Variants in IMMP2L observed in about 807,000 individuals in gnomAD.
IMMP2L encodes the protein mitochondrial inner membrane protease subunit 2.
In IMMP2L, 18 loss-of-function variants were observed where a neutral mutation model predicts 19.3. The ratio of observed to expected loss-of-function variants is 0.93; its 90% CI spans 0.64 to 1.38. IMMP2L has a LOEUF of 1.38. Ranked by LOEUF, IMMP2L falls within the 40% of genes most tolerant of loss-of-function variation. The pLI, the probability that IMMP2L is intolerant of heterozygous loss-of-function variation, is 0.00. For missense variants in IMMP2L, 233 were observed against 218.2 expected (o/e 1.07, Z -0.43); for synonymous variants, 76 against 73.0 (o/e 1.04, Z -0.21).
intron 3 of IMMP2L, among the ~76,000 whole-genome samples, chr7:111,402,901 C>G (rs1020825451): frequency 6.6e-6 from 1 of 151,018 alleles, no homozygotes; most frequent in African/African-American, 2.4e-5. Context: ...CTATTTACAT[C>G]TATTCTTTCT....
intron 3 of IMMP2L, among the ~76,000 whole-genome samples, chr7:111,071,287 G>A (rs1253184099): frequency 6.6e-6 from 1 of 152,058 alleles, no homozygotes; most frequent in African/African-American, 2.4e-5. Context: ...CATAGCTGGT[G>A]GGAATGTAAA....
intron 3 of IMMP2L, among the ~76,000 whole-genome samples, chr7:111,401,746 A>G (rs1331512157): frequency 6.6e-6 from 1 of 152,086 alleles, no homozygotes; most frequent in Non-Finnish European, 1.5e-5. Context: ...CGGACTGCAT[A>G]GCTACGTTCA....
chr7:110,946,903 G>T (rs1201533788), intron 4 of IMMP2L, among the ~76,000 whole-genome samples: 2 of 151,810 alleles, frequency 1.3e-5, no homozygotes, highest in Non-Finnish European at 2.9e-5. Flanking sequence ...TGTATTTTTA[G>T]TAGAGATGGA....
intron 3 of IMMP2L, among the ~76,000 whole-genome samples, chr7:111,397,907 CTTTGG>C (rs1320559643): frequency 1.3e-5 from 2 of 151,938 alleles, no homozygotes; most frequent in African/African-American, 4.8e-5. Context: ...TTATATGTCC[CTTTGG>C]TTTTATATCG....
chr7:111,115,969 A>G (rs1167522453), intron 3 of IMMP2L, among the ~76,000 whole-genome samples: 2 of 152,066 alleles, frequency 1.3e-5, no homozygotes, highest in Non-Finnish European at 2.9e-5. Flanking sequence ...GAGCCACCAC[A>G]TCCGGCCGGA....
intron 5 of IMMP2L, among the ~76,000 whole-genome samples, chr7:110,856,067 A>G (rs1806727703): frequency 1.3e-5 from 2 of 152,044 alleles, no homozygotes; most frequent in African/African-American, 2.4e-5. Context: ...ACTTCTTATA[A>G]TGTTTGAACT....
At chr7:110,818,467 G>T (rs374267741) in intron 5 of IMMP2L, among the ~76,000 whole-genome samples, 5,895 of 152,130 alleles carry the variant, frequency 0.039, 145 homozygotes, top group Middle Eastern at 0.082. Context: ...GGAAACAACA[G>T]GTGCTGGAGA....
At chr7:110,714,192 T>C (rs988885780) in intron 5 of IMMP2L, among the ~76,000 whole-genome samples, 3 of 152,232 alleles carry the variant, frequency 2.0e-5, no homozygotes, top group Non-Finnish European at 4.4e-5. Flanking sequence ...GATCACATGG[T>C]TCTTTTTAAT....
intron 1 of IMMP2L, among the ~76,000 whole-genome samples, chr7:111,527,704 TATAG>T (rs905512780): frequency 6.6e-6 from 1 of 152,168 alleles, no homozygotes; most frequent in African/African-American, 2.4e-5. Context: ...ACATTTTAAA[TATAG>T]ATAAAGACCT....
chr7:111,127,447 G>T (rs942081096), intron 3 of IMMP2L, among the ~76,000 whole-genome samples: 1 of 152,090 alleles, frequency 6.6e-6, no homozygotes, highest in Admixed American at 6.5e-5. Context: ...TATGCATTCT[G>T]AATAGACATC....
At chr7:110,706,191 C>A (rs1388033322) in intron 5 of IMMP2L, among the ~76,000 whole-genome samples, 1 of 152,098 alleles carries the variant, frequency 6.6e-6, no homozygotes, top group Non-Finnish European at 1.5e-5. Context: ...CAGCTTTGAA[C>A]CCCTGGGCTC....
chr7:111,170,096 G>A (rs1170719163), intron 3 of IMMP2L, among the ~76,000 whole-genome samples: 1 of 151,840 alleles, frequency 6.6e-6, no homozygotes, highest in Non-Finnish European at 1.5e-5. Context: ...AGTAACAGTT[G>A]AAACTGCTGA....
At chr7:111,281,471 C>A (rs975088220) in intron 3 of IMMP2L, among the ~76,000 whole-genome samples, 2 of 152,066 alleles carry the variant, frequency 1.3e-5, no homozygotes, top group Non-Finnish European at 2.9e-5. Flanking sequence ...TGGAAGACTT[C>A]CATAGCATTT....
chr7:110,917,778 T>C (rs1198873182), intron 4 of IMMP2L, among the ~76,000 whole-genome samples: 2 of 151,962 alleles, frequency 1.3e-5, no homozygotes, highest in Non-Finnish European at 2.9e-5. Context: ...CAAAAATAAA[T>C]TACAAAAGAA....
At chr7:111,274,526 A>G (rs945682741) in intron 3 of IMMP2L, among the ~76,000 whole-genome samples, 1 of 152,194 alleles carries the variant, frequency 6.6e-6, no homozygotes, top group African/African-American at 2.4e-5. Flanking sequence ...ATTCATTTAC[A>G]GTAAAATAAT....
At chr7:110,846,754 A>G (rs1805711934) in intron 5 of IMMP2L, among the ~76,000 whole-genome samples, 1 of 152,152 alleles carries the variant, frequency 6.6e-6, no homozygotes, top group African/African-American at 2.4e-5. Flanking sequence ...TTGAAAATAA[A>G]TAAGGACATA....
chr7:110,995,897 C>T (rs771600496), intron 3 of IMMP2L, among the ~76,000 whole-genome samples: 11 of 152,106 alleles, frequency 7.2e-5, no homozygotes, highest in Admixed American at 1.3e-4. Flanking sequence ...AGGACATTAT[C>T]AACAAATCCT....
chr7:110,952,410 C>T (rs1458201523), intron 4 of IMMP2L, among the ~76,000 whole-genome samples: 2 of 152,092 alleles, frequency 1.3e-5, no homozygotes, highest in Non-Finnish European at 2.9e-5. Flanking sequence ...AATAATGGAA[C>T]ACTGGGCATA....
rs574706219 is a variant in IMMP2L at position 111,004,940 on chromosome 7, T to C, written c.240-41375A>G. 1.8e-3 allele frequency among the ~76,000 whole-genome samples: 268 copies of C among 152,306 alleles called. 1 individual carries two copies. The highest frequency in any genetic ancestry group is 5.3e-3 in the African/African-American group (220 of 41,576). ...CTACTCTCACTTATCACATCAAAGC[T>C]ATTAAATAAATGTAGCTAAATCTAA... is the stretch of plus-strand genomic sequence containing the variant. On this transcript the variant is annotated intron_variant, in intron 3 of 5. Coordinates refer to ENST00000405709, the MANE Select transcript of IMMP2L (RefSeq NM_032549.4).
Sources: gnomAD v4.1 joint callset for allele counts (sites outside exome capture counted in the v4.1 genomes callset) on GRCh38, gnomAD v4.1.1 for gene constraint, MANE v1.5 for transcripts, NCBI Gene and HGNC (gene_info 2026-07-23, HGNC 2026-07-21) for gene names.